STXBP6: variants seen among roughly 807,000 people sequenced by gnomAD.
STXBP6 encodes syntaxin binding protein 6, also known as syntaxin-binding protein 6.
In STXBP6, 21 loss-of-function variants were observed where a neutral mutation model predicts 26.9. The ratio of observed to expected loss-of-function variants is 0.78; its 90% CI spans 0.55 to 1.12. The LOEUF (loss-of-function observed/expected upper bound fraction) is 1.12. STXBP6 is among the 50% of genes most tolerant of loss of function. STXBP6 has a pLI of 0.00. For synonymous variants in STXBP6, 97 were observed against 92.6 expected, an observed-to-expected ratio of 1.05 and a Z score of -0.27; for missense variants, 232 against 257.9, an observed-to-expected ratio of 0.90 and a Z score of 0.69.
At chr14:24,998,008 A>G (rs2074650703) in intron 1 of STXBP6, among the ~76,000 whole-genome samples, 1 of 152,210 alleles carries the variant, frequency 6.6e-6, no homozygotes, top group South Asian at 2.1e-4. Flanking sequence ...AAAAAATATA[A>G]CCACCATTGT....
chr14:24,969,319 T>C (rs1830536346), intron 2 of STXBP6, among the ~76,000 whole-genome samples: 4 of 152,208 alleles, frequency 2.6e-5, no homozygotes, highest in Admixed American at 6.5e-5. Flanking sequence ...CACCCACTTA[T>C]GGATATAAAG....
intron 2 of STXBP6, among the ~76,000 whole-genome samples, chr14:24,870,331 T>A (rs2069881944): frequency 6.6e-6 from 1 of 152,110 alleles, no homozygotes; most frequent in Admixed American, 6.6e-5. Context: ...TCAAAAGCAA[T>A]GTTTTGCATT....
At chr14:24,827,438 C>T (rs531060270) in intron 4 of STXBP6, among the ~76,000 whole-genome samples, 1 of 151,990 alleles carries the variant, frequency 6.6e-6, no homozygotes, top group Non-Finnish European at 1.5e-5. Context: ...CCAATCTTTT[C>T]CTTCCTTCCC....
Position 24,809,989 on chromosome 14 carries a change from T to TA in STXBP6, c.*2719dup, listed in dbSNP as rs1437210505. 22 of 152,270 alleles carry TA rather than the reference T, an allele frequency of 1.4e-4. No homozygotes were observed. The highest frequency in any genetic ancestry group is 5.3e-4 in the African/African-American group (22 of 41,572). 9.4% of individuals were successfully genotyped at this position (152,270 alleles called of 1,614,324 possible). ...AACTTCTTCAGAGCTTGAAAAAAGG[T>TA]AACTACTGATCATGTTACATTTTAC... On this transcript the variant is annotated 3_prime_UTR_variant, in exon 6 of 6. Coordinates refer to ENST00000323944, the MANE Select transcript of STXBP6 (RefSeq NM_001394410.1).
At chr14:24,983,330 T>C (rs567693492) in intron 1 of STXBP6, among the ~76,000 whole-genome samples, 18 of 152,284 alleles carry the variant, frequency 1.2e-4, no homozygotes, top group African/African-American at 4.1e-4. Flanking sequence ...AAGAAAACAA[T>C]ATGTTGACTT....
chr14:24,941,005 A>G (rs1225890797), intron 2 of STXBP6, among the ~76,000 whole-genome samples: 1 of 152,124 alleles, frequency 6.6e-6, no homozygotes, highest in Middle Eastern at 3.2e-3. Flanking sequence ...ACAGAGCAAG[A>G]CTCTATCTTG....
rs1162433212 is a variant in STXBP6 at position 24,809,584 on chromosome 14, T to TA, written c.*3124dup. Reference sequence around the variant, plus strand: ...GGCACATAAGATTTTCCTATTAGCATAAAAAATGTGGTGACATGTACTTAT... The same window carrying TA: ...GGCACATAAGATTTTCCTATTAGCATAAAAAAATGTGGTGACATGTACTTAT... On this transcript the variant is annotated 3_prime_UTR_variant, in exon 6 of 6. Transcript: ENST00000323944. 1 of 152,230 alleles carries TA rather than the reference T, an allele frequency of 6.6e-6. No homozygotes were observed. The highest frequency in any genetic ancestry group is 2.4e-5 in the African/African-American group (1 of 41,460). The allele number at this position is 152,230 out of a possible 1,614,324, so 9.4% of individuals were successfully genotyped here.
At chr14:24,901,009 A>G (rs570042975) in intron 2 of STXBP6, among the ~76,000 whole-genome samples, 20 of 152,174 alleles carry the variant, frequency 1.3e-4, no homozygotes, top group Non-Finnish European at 2.4e-4. Context: ...CGCTGGACAG[A>G]CTAAGTCATG....
chr14:24,995,011 C>CAA lies in STXBP6; in HGVS notation c.-32-20163_-32-20162dup, dbSNP rs34166172. On this transcript the variant is annotated intron_variant, in intron 1 of 5. Coordinates refer to ENST00000323944, the MANE Select transcript of STXBP6 (RefSeq NM_001394410.1). Reference sequence around the variant, plus strand: ...TAGGTGACAGAGTGAGACTCCATGTCAAAAAAAAAAAAAAAAAAACCACAC... The same window carrying CAA: ...TAGGTGACAGAGTGAGACTCCATGTCAAAAAAAAAAAAAAAAAAAAACCACAC... The CAA allele has an allele frequency of 2.9e-3, 282 of 96,630 alleles. 1 individual carries two copies. The highest frequency in any genetic ancestry group is 4.9e-3 in the Non-Finnish European group (208 of 42,832). The allele number at this position is 96,630 out of a possible 1,614,324, so 6.0% of individuals were successfully genotyped here. A position where few individuals can be genotyped will look rare whatever the true frequency, so the allele number is the denominator to read the frequency against.
At chr14:24,849,995 A>G (rs1250336401) in intron 4 of STXBP6, among the ~76,000 whole-genome samples, 1 of 152,124 alleles carries the variant, frequency 6.6e-6, no homozygotes, top group East Asian at 1.9e-4. Context: ...GTCTTTATTC[A>G]TTGACAGAGT....
chr14:25,026,211 C>A (rs943741256), intron 1 of STXBP6, among the ~76,000 whole-genome samples: 4 of 152,108 alleles, frequency 2.6e-5, no homozygotes, highest in African/African-American at 9.7e-5. Context: ...CTACAGCAGT[C>A]AGTAAATGTT....
At chr14:24,963,372 T>C (rs750028228) in intron 2 of STXBP6, among the ~76,000 whole-genome samples, 2 of 152,176 alleles carry the variant, frequency 1.3e-5, no homozygotes, top group Non-Finnish European at 2.9e-5. Flanking sequence ...TTGAAGCCAT[T>C]TGCCGAGACC....
chr14:24,922,493 T>C (rs2072017322), intron 2 of STXBP6, among the ~76,000 whole-genome samples: 1 of 152,134 alleles, frequency 6.6e-6, no homozygotes, highest in Non-Finnish European at 1.5e-5. Flanking sequence ...AGCCAGGCTA[T>C]CATCTCTGTA....
intron 1 of STXBP6, among the ~76,000 whole-genome samples, chr14:24,998,419 G>C (rs141981318): frequency 5.6e-4 from 85 of 152,258 alleles, no homozygotes; most frequent in Non-Finnish European, 1.1e-3. Flanking sequence ...TACTGGCTGA[G>C]CTAAAGATTA....
At chr14:24,898,018 T>C (rs1379409674) in intron 2 of STXBP6, among the ~76,000 whole-genome samples, 3 of 152,224 alleles carry the variant, frequency 2.0e-5, no homozygotes, top group Non-Finnish European at 4.4e-5. Context: ...TGCATAGCCA[T>C]CTGTGTATGC....
Position 24,998,885 on chromosome 14 carries a change from C to T in STXBP6, c.-32-24035G>A, listed in dbSNP as rs142613417. On this transcript the variant is annotated intron_variant, in intron 1 of 5. Transcript: ENST00000323944. ...AAGGGATAAAAAGCTAAACCTTGGC[C>T]ATTTCCAAGAAATTGACAAAAATAC... 4.4e-3 allele frequency among the ~76,000 whole-genome samples: 672 copies of T among 152,300 alleles called. 4 individuals are homozygous for T. Among genetic ancestry groups the T allele is most frequent in the African/African-American group, 0.014 (565 of 41,562 alleles).
At chr14:25,025,081 T>C (rs1248721557) in intron 1 of STXBP6, among the ~76,000 whole-genome samples, 4 of 152,146 alleles carry the variant, frequency 2.6e-5, no homozygotes, top group Non-Finnish European at 5.9e-5. Flanking sequence ...CATCCAACAT[T>C]CATTAAAAAG....
At chr14:24,939,871 T>C (rs1476169498) in intron 2 of STXBP6, among the ~76,000 whole-genome samples, 1 of 152,208 alleles carries the variant, frequency 6.6e-6, no homozygotes, top group African/African-American at 2.4e-5. Flanking sequence ...TTGGTTTTAA[T>C]TACAAGTGCT....
chr14:24,940,426 C>T (rs1301722303), intron 2 of STXBP6, among the ~76,000 whole-genome samples: 1 of 152,112 alleles, frequency 6.6e-6, no homozygotes, highest in Non-Finnish European at 1.5e-5. Context: ...GGTGAGAAAC[C>T]CATGAAGTAT....
Sources: allele counts gnomAD v4.1 joint callset (sites outside exome capture counted in the v4.1 genomes callset), GRCh38; gene constraint gnomAD v4.1.1; transcripts MANE v1.5; gene names NCBI Gene and HGNC (gene_info 2026-07-23, HGNC 2026-07-21).